Variants in GALNT13 observed in about 807,000 individuals in gnomAD.
GALNT13 encodes the protein UDP-GalNAc:polypeptide N-acetylgalactosaminyltransferase 13.
A neutral mutation model predicts 64.2 loss-of-function variants in GALNT13; 28 were observed. The ratio of observed to expected loss-of-function variants is 0.44; its 90% CI spans 0.32 to 0.60. The LOEUF (loss-of-function observed/expected upper bound fraction) is 0.60. GALNT13 is among the 20% of genes least tolerant of loss of function. GALNT13 has a pLI of 0.05. For synonymous variants in GALNT13, 214 were observed against 224.6 expected (o/e 0.95, Z 0.42); for missense variants, 577 against 669.8 (o/e 0.86, Z 1.53).
the GALNT13 span, among the ~76,000 whole-genome samples, chr2:153,499,635 C>A: frequency 3.9e-5 from 6 of 152,364 alleles, no homozygotes; most frequent in East Asian, 1.2e-3. Flanking sequence ...CCTCAGCCTC[C>A]CTCCTGTGCT....
the GALNT13 span, among the ~76,000 whole-genome samples, chr2:153,743,082 G>A: frequency 0.076 from 7,972 of 104,656 alleles, 429 homozygotes; most frequent in African/African-American, 0.11. Flanking sequence ...TAAAGTAGGG[G>A]GAGGGGAAAA....
chr2:154,067,970 G>A (rs1312491825), intron 3 of GALNT13, among the ~76,000 whole-genome samples: 2 of 151,874 alleles, frequency 1.3e-5, no homozygotes, highest in East Asian at 3.9e-4. Flanking sequence ...CATCTGACAA[G>A]GGATTATAAA....
intron 11 of GALNT13, among the ~76,000 whole-genome samples, chr2:154,414,763 A>G (rs1487414975): frequency 1.3e-5 from 2 of 151,940 alleles, no homozygotes; most frequent in Non-Finnish European, 2.9e-5. Flanking sequence ...GCATTTTGCA[A>G]ACATTTTTCT....
chr2:153,341,773 G>A, the GALNT13 span, among the ~76,000 whole-genome samples: 1 of 152,086 alleles, frequency 6.6e-6, no homozygotes, highest in Non-Finnish European at 1.5e-5. Context: ...AAATATAATT[G>A]TTATGGAAAG....
chr2:153,174,906 GT>G, the GALNT13 span, among the ~76,000 whole-genome samples: 19,621 of 152,042 alleles, frequency 0.13, 1,502 homozygotes, highest in Non-Finnish European at 0.17. Context: ...CAATTCCAAA[GT>G]CACTTTCACA....
intron 1 of GALNT13, among the ~76,000 whole-genome samples, chr2:153,890,607 C>T (rs986990415): frequency 2.6e-5 from 4 of 152,058 alleles, no homozygotes; most frequent in Non-Finnish European, 5.9e-5. Context: ...ACACTTTTAT[C>T]TGGGTCTCCC....
chr2:153,832,723 T>C, the GALNT13 span, among the ~76,000 whole-genome samples: 1 of 152,146 alleles, frequency 6.6e-6, no homozygotes, highest in Non-Finnish European at 1.5e-5. Flanking sequence ...TTGTAATGTA[T>C]TTTGGGTACC....
the GALNT13 span, among the ~76,000 whole-genome samples, chr2:153,099,067 T>G: frequency 6.6e-6 from 1 of 152,098 alleles, no homozygotes; most frequent in Non-Finnish European, 1.5e-5. Context: ...GAACTGAGAT[T>G]GCGCCACTGC....
At chr2:154,444,545 G>C (rs1294978377) in intron 12 of GALNT13, among the ~76,000 whole-genome samples, 2 of 152,052 alleles carry the variant, frequency 1.3e-5, no homozygotes, top group Non-Finnish European at 2.9e-5. Context: ...AGAAGTGTTA[G>C]CTGCTGCTGC....
At chr2:153,556,510 C>T in the GALNT13 span, among the ~76,000 whole-genome samples, 8 of 152,180 alleles carry the variant, frequency 5.3e-5, no homozygotes, top group African/African-American at 1.9e-4. Flanking sequence ...ATTCTTAGCA[C>T]ATCAGCTATT....
the GALNT13 span, among the ~76,000 whole-genome samples, chr2:153,696,159 C>T: frequency 6.6e-6 from 1 of 152,180 alleles, no homozygotes; most frequent in Non-Finnish European, 1.5e-5. Flanking sequence ...GTGCAACCTT[C>T]AGTCTGTCGC....
chr2:154,332,222 T>C (rs1695204421), intron 9 of GALNT13, among the ~76,000 whole-genome samples: 1 of 152,088 alleles, frequency 6.6e-6, no homozygotes, highest in Non-Finnish European at 1.5e-5. Flanking sequence ...CTTGAGTACA[T>C]GTGTTTTATA....
At chr2:153,752,778 G>A in the GALNT13 span, among the ~76,000 whole-genome samples, 8 of 152,024 alleles carry the variant, frequency 5.3e-5, no homozygotes, top group African/African-American at 1.9e-4. Context: ...CTAGGATATT[G>A]ATATCTTTCT....
the GALNT13 span, among the ~76,000 whole-genome samples, chr2:153,620,984 G>C: frequency 6.6e-6 from 1 of 152,070 alleles, no homozygotes; most frequent in Non-Finnish European, 1.5e-5. Flanking sequence ...TCCAAGCCCA[G>C]TAACACTGTG....
the GALNT13 span, among the ~76,000 whole-genome samples, chr2:153,650,234 C>G: frequency 4.6e-5 from 7 of 152,052 alleles, no homozygotes; most frequent in African/African-American, 1.4e-4. Context: ...TTCTTTGTCT[C>G]TTTTGATCTT....
At chr2:153,628,326 A>T in the GALNT13 span, among the ~76,000 whole-genome samples, 419 of 152,082 alleles carry the variant, frequency 2.8e-3, 8 homozygotes, top group Admixed American at 0.022. Context: ...TCCTAATTGA[A>T]TACCCTTTAT....
chr2:154,149,152 C>T (rs534790236), intron 4 of GALNT13, among the ~76,000 whole-genome samples: 295 of 152,246 alleles, frequency 1.9e-3, no homozygotes, highest in African/African-American at 6.4e-3. Context: ...ATATGGCTAG[C>T]CAGTTTTCCC....
the GALNT13 span, among the ~76,000 whole-genome samples, chr2:153,484,455 A>C: frequency 6.6e-6 from 1 of 152,188 alleles, no homozygotes; most frequent in Non-Finnish European, 1.5e-5. Context: ...CCTATATTTA[A>C]ATTACACTTT....
At chr2:154,448,975 T>A (rs2105504128) in intron 12 of GALNT13, among the ~76,000 whole-genome samples, 1 of 152,172 alleles carries the variant, frequency 6.6e-6, no homozygotes, top group South Asian at 2.1e-4. Flanking sequence ...GAAACAATTT[T>A]GTTGATTTTT....
Sources: allele counts gnomAD v4.1 joint callset (sites outside exome capture counted in the v4.1 genomes callset), GRCh38; gene constraint gnomAD v4.1.1; transcripts MANE v1.5; gene names NCBI Gene and HGNC (gene_info 2026-07-23, HGNC 2026-07-21).